APLP2: variants seen among roughly 807,000 people sequenced by gnomAD.
APLP2 encodes the protein amyloid beta precursor like protein 2.
A neutral mutation model predicts 89.9 loss-of-function variants in APLP2; 53 were observed. The observed-to-expected ratio is 0.59, with a 90% CI of 0.47 to 0.74. APLP2 has a LOEUF of 0.74. Ranked by LOEUF, APLP2 falls within the 30% of genes least tolerant of loss-of-function variation. The pLI is 0.00. For missense variants in APLP2, 973 were observed against 975.9 expected, an observed-to-expected ratio of 1.00 and a Z score of 0.04; for synonymous variants, 372 against 348.6, an observed-to-expected ratio of 1.07 and a Z score of -0.75.
At position 130,143,337 on chromosome 11, in the gene APLP2, G is replaced by T; in HGVS notation, c.2155-10G>T. ...GACACCACAATGACCCTCAGGTTTTGTTCTTCCAGGTTGATCCAATGCTCA... is the reference window on the plus strand; with the variant it reads ...GACACCACAATGACCCTCAGGTTTTTTTCTTCCAGGTTGATCCAATGCTCA... On this transcript the variant is annotated splice_polypyrimidine_tract_variant and intron_variant, in intron 16 of 16. Transcript: ENST00000338167. The T allele has an allele frequency of 6.2e-7, 1 of 1,613,344 alleles. No homozygotes were observed.
Position 130,123,200 on chromosome 11 carries a change from G to A in APLP2, c.923-412G>A, listed in dbSNP as rs534793490. ...ACATAAAAGTGGGAAACAATTGTCC[G>A]TTCTAGGTGCTTGTCTTTACTACGG... On this transcript the variant is annotated intron_variant, in intron 6 of 16. Transcript: ENST00000338167. The surrounding 1 kb of genome is among the most constrained non-coding windows in gnomAD (Gnocchi z 4.0). Among the ~76,000 whole-genome samples the A allele has an allele frequency of 1.1e-3, 175 of 152,262 alleles. 1 individual carries two copies. The highest frequency in any genetic ancestry group is 1.4e-3 in the Non-Finnish European group (96 of 68,018).
At chr11:130,104,263 T>G (rs1385501694) in intron 1 of APLP2, among the ~76,000 whole-genome samples, 2 of 141,504 alleles carry the variant, frequency 1.4e-5, no homozygotes, top group Non-Finnish European at 3.0e-5. Flanking sequence ...TGTTGCCCAG[T>G]CTGGAGTGCA....
chr11:130,124,288 G>C (rs542078137), intron 7 of APLP2, among the ~76,000 whole-genome samples: 1 of 152,316 alleles, frequency 6.6e-6, no homozygotes, highest in South Asian at 2.1e-4. Context: ...GAAATATCTT[G>C]CATAATGCAC....
rs1181540855 is a variant in APLP2 at position 130,123,447 on chromosome 11, C to T, written c.923-165C>T. 6.6e-6 allele frequency among the ~76,000 whole-genome samples: 1 copy of T among 152,256 alleles called. No individual in the cohort carries two copies. The highest frequency in any genetic ancestry group is 2.4e-5 in the African/African-American group (1 of 41,470). ...CTACTCTGTGGGGAAGCAACTTGTC[C>T]TCAGCAAGGCTGGCCTGAGCTGGAG... is the stretch of plus-strand genomic sequence containing the variant. On this transcript the variant is annotated intron_variant, in intron 6 of 16. Coordinates refer to ENST00000338167, the MANE Select transcript of APLP2 (RefSeq NM_001142276.2). This position sits in a 1 kb window ranked among gnomAD's most constrained non-coding sequence, Gnocchi z 4.0.
chr11:130,098,018 C>T (rs997552464), intron 1 of APLP2, among the ~76,000 whole-genome samples: 26 of 152,206 alleles, frequency 1.7e-4, no homozygotes. Context: ...AGGGGGGCCA[C>T]TGGAAACCTT....
At chr11:130,112,367 T>C (rs534166562) in intron 3 of APLP2, among the ~76,000 whole-genome samples, 1 of 151,926 alleles carries the variant, frequency 6.6e-6, no homozygotes, top group African/African-American at 2.4e-5. Context: ...GAAAAAGAAA[T>C]GAGGGTGATG....
At chr11:130,080,880 G>C (rs1381897423) in intron 1 of APLP2, among the ~76,000 whole-genome samples, 1 of 151,710 alleles carries the variant, frequency 6.6e-6, no homozygotes, top group African/African-American at 2.4e-5. Flanking sequence ...TTAATTTTTA[G>C]TAGAGATGGG....
At chr11:130,075,510 A>C (rs1415603354) in intron 1 of APLP2, among the ~76,000 whole-genome samples, 3 of 152,160 alleles carry the variant, frequency 2.0e-5, no homozygotes, top group Non-Finnish European at 4.4e-5. Context: ...ACTTTGCGAA[A>C]CACACTCGTG....
At chr11:130,082,790 C>A (rs1943403163) in intron 1 of APLP2, 2 of 176,736 alleles carry the variant, frequency 1.1e-5, no homozygotes, top group Admixed American at 5.9e-5. Flanking sequence ...AGACTCATTG[C>A]CTATAGACAG....
intron 1 of APLP2, among the ~76,000 whole-genome samples, chr11:130,084,121 C>T (rs958730150): frequency 6.6e-6 from 1 of 152,092 alleles, no homozygotes; most frequent in African/African-American, 2.4e-5. Flanking sequence ...TGGCGGGTGC[C>T]TGTAGTCCCA....
intron 1 of APLP2, among the ~76,000 whole-genome samples, chr11:130,083,906 A>G (rs929807182): frequency 1.3e-5 from 2 of 151,734 alleles, no homozygotes; most frequent in Non-Finnish European, 2.9e-5. Flanking sequence ...CCTTCATACT[A>G]TTTTCTATAG....
Position 130,123,663 on chromosome 11 carries a change from G to A in APLP2, c.974G>A (p.Arg325His), listed in dbSNP as rs141638912. ...GGGCCCTGCCGGGCCGTGATGCCTC[G>A]TTGGTACTTCGACCTCTCCAAGGGA... ...MTGPCRAVMP[R>H]WYFDLSKGKC... The change falls in exon 7 of 17, where the codon CGT (arginine) becomes CAT (histidine). Residue 325 changes from arginine (R) to histidine (H), a missense_variant. Physicochemically the swap from Arg to His is conservative, Grantham distance 29 (BLOSUM62 0). Transcript: ENST00000338167. This position sits in a 1 kb window ranked among gnomAD's most constrained non-coding sequence, Gnocchi z 4.0. The A allele has an allele frequency of 4.3e-5, 70 of 1,614,258 alleles. No individual in the cohort carries two copies. In the East Asian group the frequency reaches 9.1e-4, roughly 21 times the overall value.
rs564488562 is a variant in APLP2, at chr11:130,142,148, A to G, written c.2154+74A>G. ...GGGGGTGGGAACCTGTGGAATTAAT[A>G]GGCATCTTCACTCCTCGAGTACTGG... On this transcript the variant is annotated intron_variant, in intron 16 of 16. Coordinates refer to ENST00000338167, the MANE Select transcript of APLP2 (RefSeq NM_001142276.2). 55 of 1,452,904 alleles carry G rather than the reference A, an allele frequency of 3.8e-5. No individual in the cohort carries two copies. The Admixed American group carries it at 1.1e-3, about 30-fold the overall frequency. 90.0% of individuals were successfully genotyped at this position (1,452,904 alleles called of 1,614,324 possible).
chr11:130,091,503 C>G (rs1945180920), intron 1 of APLP2, among the ~76,000 whole-genome samples: 1 of 141,614 alleles, frequency 7.1e-6, no homozygotes, highest in Non-Finnish European at 1.6e-5. Flanking sequence ...GCTGACCCCC[C>G]CACCTCCCTC....
At chr11:130,136,132 G>A (rs1459813373) in intron 13 of APLP2, among the ~76,000 whole-genome samples, 1 of 152,154 alleles carries the variant, frequency 6.6e-6, no homozygotes, top group Non-Finnish European at 1.5e-5. Context: ...GACATGAGGT[G>A]GGGATAAGAA....
At position 130,092,168 on chromosome 11, in the gene APLP2, G is replaced by A. The variant is rs1437800920; in HGVS notation, c.106-17261G>A. On this transcript the variant is annotated intron_variant, in intron 1 of 16. Coordinates refer to ENST00000338167, the MANE Select transcript of APLP2 (RefSeq NM_001142276.2). ...TCCTCACTTCCTAGATGTGATGGCGGCTGGGAAGAGGCGCTCCTCACTTCC... is the reference window on the plus strand; with the variant it reads ...TCCTCACTTCCTAGATGTGATGGCGACTGGGAAGAGGCGCTCCTCACTTCC... 2.2e-5 allele frequency among the ~76,000 whole-genome samples: 3 copies of A among 138,388 alleles called. 1 individual carries two copies. Among genetic ancestry groups the A allele is most frequent in the Admixed American group, 6.8e-5 (1 of 14,610 alleles). 90.8% of individuals were successfully genotyped at this position (138,388 alleles called of 152,430 possible).
chr11:130,141,924 C>T lies in APLP2; in HGVS notation c.2004C>T (p.Ser668=), dbSNP rs377499104. 16 of 1,600,294 alleles carry T rather than the reference C, an allele frequency of 1.0e-5. No individual in the cohort carries two copies. The highest frequency in any genetic ancestry group is 1.7e-4 in the Middle Eastern group (1 of 6,030). ...RVGGLEEERE[S]VGPLREDFSL... is the part of the protein sequence containing the mutation. ...ACGTCTGCTTTATTACGTAGGAATC[C>T]GTGGGCCCACTGCGGGAGGACTTCA... Residue 668 remains serine (S), a synonymous_variant, in exon 16 of 17, where the codon TCC becomes TCT. Transcript: ENST00000338167. This position sits in a 1 kb window ranked among gnomAD's most constrained non-coding sequence, Gnocchi z 4.2.
rs536186459 is a variant in APLP2 at position 130,077,089 on chromosome 11, C to CT, written c.105+7007_105+7008insT. 1.8e-3 allele frequency among the ~76,000 whole-genome samples: 271 copies of CT among 152,322 alleles called. 1 individual carries two copies. Among genetic ancestry groups the CT allele is most frequent in the Non-Finnish European group, 2.4e-3 (164 of 68,030 alleles). ...GAGAACCCAGTGTCTGCTACAGGGG[C>CT]ATTCCCTGTCTGGGAAGTTATGTAG... On this transcript the variant is annotated intron_variant, in intron 1 of 16. Transcript: ENST00000338167.
chr11:130,105,864 C>A (rs113969525), intron 1 of APLP2, among the ~76,000 whole-genome samples: 3,418 of 152,086 alleles, frequency 0.022, 57 homozygotes, highest in Non-Finnish European at 0.034. Context: ...CCACCACACC[C>A]GGCTAATTTT....
Sources: gnomAD v4.1 joint callset for allele counts (sites outside exome capture counted in the v4.1 genomes callset) on GRCh38, gnomAD v4.1.1 for gene constraint, Gnocchi (gnomAD v3.1) non-coding constraint, MANE v1.5 for transcripts, NCBI Gene and HGNC (gene_info 2026-07-23, HGNC 2026-07-21) for gene names.